Variants in BUB1 observed in about 807,000 individuals in gnomAD.
The protein encoded by BUB1 is BUB1 mitotic checkpoint serine/threonine kinase.
BUB1 carries 84 observed loss-of-function variants against 135.2 expected under a neutral mutation model. The observed-to-expected ratio is 0.62, with a 90% confidence interval of 0.52 to 0.74. BUB1 has a LOEUF of 0.74. BUB1 is among the 30% of genes least tolerant of loss of function. The pLI, the probability that BUB1 is intolerant of heterozygous loss-of-function variation, is 0.00. For synonymous variants in BUB1, 403 were observed against 434.4 expected (o/e 0.93, Z 0.90); for missense variants, 1,162 against 1,288.3 (o/e 0.90, Z 1.50).
chr2:110,677,619 CG>C (rs1300336364), intron 1 of BUB1, among the ~76,000 whole-genome samples: 4 of 152,088 alleles, frequency 2.6e-5, no homozygotes, highest in Non-Finnish European at 5.9e-5. Flanking sequence ...ACTTTGAAAA[CG>C]TATCACAAAA....
At chr2:110,668,056 G>A (rs1197407911) in intron 6 of BUB1, among the ~76,000 whole-genome samples, 2 of 152,108 alleles carry the variant, frequency 1.3e-5, no homozygotes, top group Non-Finnish European at 2.9e-5. Flanking sequence ...TCTAATCAAA[G>A]AAAGAGGTTT....
At chr2:110,661,280 G>T in intron 10 of BUB1, 1 of 324,096 alleles carries the variant, frequency 3.1e-6, no homozygotes, top group Non-Finnish European at 5.7e-6. Flanking sequence ...AGTGAGCAAA[G>T]GGAATTTTAG....
intron 19 of BUB1, among the ~76,000 whole-genome samples, chr2:110,647,070 G>A (rs1026987871): frequency 1.3e-5 from 2 of 152,138 alleles, no homozygotes; most frequent in Admixed American, 1.3e-4. Context: ...GGAAGCACTA[G>A]GCTCAGATGG....
At chr2:110,669,124 C>T (rs1190036950) in intron 6 of BUB1, among the ~76,000 whole-genome samples, 1 of 152,176 alleles carries the variant, frequency 6.6e-6, no homozygotes, top group African/African-American at 2.4e-5. Flanking sequence ...CAGGTGGATC[C>T]ATTCCCAGTA....
chr2:110,649,655 G>C (rs1689729722), intron 18 of BUB1, among the ~76,000 whole-genome samples: 1 of 152,126 alleles, frequency 6.6e-6, no homozygotes, highest in Non-Finnish European at 1.5e-5. Flanking sequence ...CCACTCAACT[G>C]GAACGGCTAG....
At chr2:110,641,513 A>G (rs766710443) in intron 21 of BUB1, 49 bp from the exon 22 acceptor site, 18 of 1,568,760 alleles carry the variant, frequency 1.1e-5, no homozygotes, top group Non-Finnish European at 1.6e-5. Flanking sequence ...CAAGATTAAT[A>G]AAATTTCAAA....
intron 4 of BUB1, among the ~76,000 whole-genome samples, chr2:110,672,104 A>G (rs544264671): frequency 6.6e-6 from 1 of 152,170 alleles, no homozygotes; most frequent in Non-Finnish European, 1.5e-5. Context: ...GCACGTCCCT[A>G]TAGTCCCAGC....
chr2:110,667,681 A>G lies in BUB1; in HGVS notation c.645T>C (p.Ser215=). 2 of 1,613,324 alleles carry G rather than the reference A, an allele frequency of 1.2e-6. No homozygotes were observed. Among genetic ancestry groups the G allele is most frequent in the South Asian group, 1.1e-5 (1 of 90,754 alleles). Residue 215 remains serine (S), a synonymous_variant, in exon 8 of 25, where the codon TCT becomes TCC. Coordinates refer to ENST00000302759, the MANE Select transcript of BUB1 (RefSeq NM_004336.5). ...ATGAGTGCACAGAATATTCTGATTT[A>G]GAAATCGTGATCACTCTTCGTTCCC... ...SNMERRVITI[S]KSEYSVHSSL...
rs1416184042 is a variant in BUB1 at position 110,666,299 on chromosome 2, G to A, written c.921C>T (p.Ser307=). ...CCTGGGAAGCGGGCAGATCCTCATG[G>A]GATGTCTCCACCACCTGATGCAACT... is the stretch of plus-strand genomic sequence containing the variant. The part of the protein sequence containing the change: ...HKKLHQVVET[S]HEDLPASQER... Residue 307 remains serine (S), a synonymous_variant, in exon 9 of 25, where the codon TCC becomes TCT. Coordinates refer to ENST00000302759, the MANE Select transcript of BUB1 (RefSeq NM_004336.5). 2 of 1,499,678 alleles carry A rather than the reference G, an allele frequency of 1.3e-6. No individual in the cohort carries two copies. Among genetic ancestry groups the A allele is most frequent in the Non-Finnish European group, 1.8e-6 (2 of 1,120,098 alleles). 92.9% of individuals were successfully genotyped at this position (1,499,678 alleles called of 1,614,324 possible).
At chr2:110,671,149 G>C (rs1690409799) in intron 4 of BUB1, among the ~76,000 whole-genome samples, 1 of 152,128 alleles carries the variant, frequency 6.6e-6, no homozygotes, top group Non-Finnish European at 1.5e-5. Context: ...GGTAACCCTT[G>C]TTGGCTCTTA....
chr2:110,663,803 C>T (rs181646064), intron 9 of BUB1, among the ~76,000 whole-genome samples: 92 of 152,150 alleles, frequency 6.0e-4, no homozygotes, highest in Admixed American at 2.9e-3. Context: ...CCAAGGTGGG[C>T]GGATCACGAG....
At chr2:110,674,424 T>C in intron 1 of BUB1, 59 bp from the exon 2 acceptor site, 1 of 1,500,110 alleles carries the variant, frequency 6.7e-7, no homozygotes, top group South Asian at 1.1e-5. Context: ...AAGCAAAAGA[T>C]ATACTTCATT....
chr2:110,649,991 A>C (rs373729428), intron 18 of BUB1, among the ~76,000 whole-genome samples: 1 of 152,178 alleles, frequency 6.6e-6, no homozygotes, highest in African/African-American at 2.4e-5. Flanking sequence ...TCAGTGCTTT[A>C]TTAATTTACT....
chr2:110,667,086 T>A (rs1690278998), intron 8 of BUB1, among the ~76,000 whole-genome samples: 1 of 152,184 alleles, frequency 6.6e-6, no homozygotes, highest in South Asian at 2.1e-4. Context: ...AGTATAAAAG[T>A]CCTGAGTGGA....
At chr2:110,639,455 G>T (rs1689443756) in intron 24 of BUB1, among the ~76,000 whole-genome samples, 1 of 151,778 alleles carries the variant, frequency 6.6e-6, no homozygotes, top group South Asian at 2.1e-4. Context: ...GAGGTCCAGT[G>T]ACATTAGGTG....
In BUB1 at chr2:110,641,625, T is replaced by C. The variant is rs1349536996; in HGVS notation, c.2625+17A>G. ...CCATTTTAAATTCATGTGCTCATCATAAAAATGAATACTTACTAATAATGT... is the reference window on the plus strand; with the variant it reads ...CCATTTTAAATTCATGTGCTCATCACAAAAATGAATACTTACTAATAATGT... On this transcript the variant is annotated intron_variant, in intron 21 of 24. Coordinates refer to ENST00000302759, the MANE Select transcript of BUB1 (RefSeq NM_004336.5). The C allele has an allele frequency of 3.1e-6, 5 of 1,605,880 alleles. No individual in the cohort carries two copies. The highest frequency in any genetic ancestry group is 4.2e-6 in the Non-Finnish European group (5 of 1,177,334).
chr2:110,640,348 A>G (rs532637184), intron 23 of BUB1, among the ~76,000 whole-genome samples: 3 of 142,910 alleles, frequency 2.1e-5, no homozygotes, highest in Non-Finnish European at 4.6e-5. Flanking sequence ...CCCCACCCCC[A>G]CCAAATCTTT....
In BUB1 at chr2:110,639,771, T is replaced by A; in HGVS notation, c.3033A>T (p.Gly1011=). The change falls in exon 24 of 25, where the codon GGA becomes GGT. Residue 1011 remains glycine, a synonymous_variant. Transcript: ENST00000302759. ...GTYMKVKNEG[G]ECKPEGLFRR... is the part of the protein sequence containing the mutation. The stretch of plus-strand genomic sequence containing the variant: ...TAAAAAGACCTTCAGGCTTACACTC[T>A]CCTCCTTCATTTTTCACTTTCATGT... 1 of 1,613,842 alleles carries A rather than the reference T, an allele frequency of 6.2e-7. No homozygotes were observed. The highest frequency in any genetic ancestry group is 8.5e-7 in the Non-Finnish European group (1 of 1,179,856).
intron 21 of BUB1, 30 bp downstream of exon 21, chr2:110,641,612 C>A: frequency 6.2e-7 from 1 of 1,601,546 alleles, no homozygotes; most frequent in Non-Finnish European, 8.5e-7. Context: ...ATTTTAAATT[C>A]ATGTGCTCAT....
Sources: gnomAD v4.1 joint callset for allele counts (sites outside exome capture counted in the v4.1 genomes callset) on GRCh38, gnomAD v4.1.1 for gene constraint, MANE v1.5 for transcripts, NCBI Gene and HGNC (gene_info 2026-07-23, HGNC 2026-07-21) for gene names.